Variants in RNF17 observed in about 807,000 individuals in gnomAD.
RNF17 encodes the protein ring finger protein 17, also known as spermatogenesis associated 23.
Under a neutral mutation model 200.5 loss-of-function variants are expected in RNF17, and 31 were observed. That is an observed-to-expected ratio of 0.15 (90% CI 0.12 to 0.21). The LOEUF is 0.21. Among genes scored for constraint, RNF17 ranks in the 10% least tolerant of loss-of-function variants. The pLI, the probability that RNF17 is intolerant of heterozygous loss-of-function variation, is 1.00. For missense variants in RNF17, 1,628 were observed against 1,905.1 expected (o/e 0.85, Z 2.71); for synonymous variants, 606 against 637.8 (o/e 0.95, Z 0.75).
chr13:24,790,577 T>C (rs557174940), intron 9 of RNF17, among the ~76,000 whole-genome samples: 43 of 152,328 alleles, frequency 2.8e-4, no homozygotes, highest in Non-Finnish European at 3.8e-4. Context: ...CTATTTGTGC[T>C]GCTATAACAA....
At chr13:24,840,439 G>C (rs1007418745) in intron 18 of RNF17, among the ~76,000 whole-genome samples, 1 of 152,180 alleles carries the variant, frequency 6.6e-6, no homozygotes, top group Non-Finnish European at 1.5e-5. Flanking sequence ...GTTTATAGCA[G>C]CACAATTCAC....
downstream of RNF17, chr13:24,884,327 C>A (rs1953946735): frequency 6.2e-7 from 1 of 1,614,040 alleles, no homozygotes; most frequent in South Asian, 1.1e-5. Context: ...ACATACCACT[C>A]TTTGGTCTGG....
rs754539124 is a variant in RNF17 at position 24,787,991 on chromosome 13, A to G, written c.615A>G (p.Lys205=). The change falls in exon 7 of 36, where the codon AAA becomes AAG. Residue 205 remains lysine, a synonymous_variant. Transcript: ENST00000255324. ...AACTTTGGAATCTTAAATGAAGGAA[A>G]AAGAACCTGTGTGAAGAATTTGCAA... is the stretch of plus-strand genomic sequence containing the variant. The part of the protein sequence containing the change: ...DQLLAFFDSR[K]KNLCEEFART... 38 of 1,545,316 alleles carry G rather than the reference A, an allele frequency of 2.5e-5. No homozygotes were observed. The highest frequency in any genetic ancestry group is 9.8e-5 in the African/African-American group (7 of 71,306).
intron 34 of RNF17, among the ~76,000 whole-genome samples, chr13:24,877,780 T>A (rs1038806968): frequency 1.3e-5 from 2 of 152,194 alleles, no homozygotes; most frequent in East Asian, 3.9e-4. Context: ...TTGTACTACT[T>A]ATTTGATGTA....
At chr13:24,806,246 C>T (rs1199278111) in intron 15 of RNF17, among the ~76,000 whole-genome samples, 1 of 152,162 alleles carries the variant, frequency 6.6e-6, no homozygotes, top group Admixed American at 6.5e-5. Flanking sequence ...GCCATATTTT[C>T]TTTATCCAGT....
chr13:24,773,051 A>C (rs1390342357), intron 2 of RNF17, among the ~76,000 whole-genome samples: 1 of 152,192 alleles, frequency 6.6e-6, no homozygotes, highest in Non-Finnish European at 1.5e-5. Context: ...AAAAGTCAAA[A>C]ACTAACAGAT....
rs1406706740 is a variant in RNF17, at chr13:24,864,962, C to T, written c.4065C>T (p.Tyr1355=). 6.4e-7 allele frequency: 1 copy of T among 1,564,586 alleles called. No homozygotes were observed. The highest frequency in any genetic ancestry group is 1.4e-5 in the African/African-American group (1 of 72,450). The change falls in exon 29 of 36, where the codon TAC becomes TAT. Residue 1355 remains tyrosine (Y), a synonymous_variant. Transcript: ENST00000255324. ...SLSYFMAYYK[Y]CTSEHTEEML... ...CTTATTTTATGGCATACTATAAATA[C>T]TGTACTTCTGAACATACTGAGGAGA...
At chr13:24,790,252 T>C (rs1322558037) in intron 9 of RNF17, among the ~76,000 whole-genome samples, 1 of 152,118 alleles carries the variant, frequency 6.6e-6, no homozygotes, top group Admixed American at 6.6e-5. Context: ...AAAGGAAGTA[T>C]GCATCTTATA....
At chr13:24,857,241 G>C (rs1270118212) in intron 25 of RNF17, among the ~76,000 whole-genome samples, 1 of 152,166 alleles carries the variant, frequency 6.6e-6, no homozygotes, top group Non-Finnish European at 1.5e-5. Flanking sequence ...TTTCCTCCAT[G>C]ATTTCAATAT....
intron 20 of RNF17, 90 bp downstream of exon 20, chr13:24,844,061 G>GCAA: frequency 2.3e-6 from 1 of 428,254 alleles, no homozygotes; most frequent in Non-Finnish European, 3.9e-6. Flanking sequence ...CATAAATGTA[G>GCAA]ATTTTACTAG....
chr13:24,829,761 T>A (rs904981343), intron 16 of RNF17, among the ~76,000 whole-genome samples: 3 of 152,244 alleles, frequency 2.0e-5, no homozygotes, highest in Non-Finnish European at 2.9e-5. Context: ...ACGTCTTTTT[T>A]AAAAACTTCT....
downstream of RNF17, among the ~76,000 whole-genome samples, chr13:24,881,065 G>T (rs577544909): frequency 2.0e-5 from 3 of 152,080 alleles, no homozygotes; most frequent in East Asian, 1.9e-4. Context: ...AGTCATCCTT[G>T]ATCAGTTGTT....
chr13:24,814,044 A>G (rs910320749), intron 15 of RNF17, among the ~76,000 whole-genome samples: 1 of 152,170 alleles, frequency 6.6e-6, no homozygotes, highest in Non-Finnish European at 1.5e-5. Flanking sequence ...ATAAACAGCT[A>G]ACATATATTT....
At chr13:24,808,048 G>A (rs1169137295) in intron 15 of RNF17, among the ~76,000 whole-genome samples, 5 of 151,184 alleles carry the variant, frequency 3.3e-5, no homozygotes, top group Admixed American at 1.3e-4. Context: ...GGTTACTGTA[G>A]CCTTGTAGTA....
chr13:24,830,115 T>C (rs192465223), intron 16 of RNF17, among the ~76,000 whole-genome samples: 1 of 152,178 alleles, frequency 6.6e-6, no homozygotes, highest in African/African-American at 2.4e-5. Flanking sequence ...GGTAATATCT[T>C]AGAGATATTA....
intron 2 of RNF17, among the ~76,000 whole-genome samples, chr13:24,770,022 T>C (rs1880425120): frequency 6.6e-6 from 1 of 152,174 alleles, no homozygotes; most frequent in Non-Finnish European, 1.5e-5. Flanking sequence ...AATACTGGCA[T>C]TTTATTAACT....
intron 10 of RNF17, among the ~76,000 whole-genome samples, chr13:24,794,883 A>G (rs569215298): frequency 6.6e-6 from 1 of 152,086 alleles, no homozygotes; most frequent in Non-Finnish European, 1.5e-5. Context: ...ATCCTCAGCT[A>G]ATTTTTGTAT....
Position 24,877,194 on chromosome 13 carries a change from T to C in RNF17, c.4773+8T>C. ...CTCTATGCTGTGTCCATGGTAAGTGTCTCAAGTAGCCAAAATTATTGTAAA... is the reference window on the plus strand; with the variant it reads ...CTCTATGCTGTGTCCATGGTAAGTGCCTCAAGTAGCCAAAATTATTGTAAA... On this transcript the variant is annotated splice_region_variant and intron_variant, in intron 34 of 35. Transcript: ENST00000255324. 1 of 1,601,574 alleles carries C rather than the reference T, an allele frequency of 6.2e-7. No homozygotes were observed. The highest frequency in any genetic ancestry group is 2.2e-5 in the East Asian group (1 of 44,788).
chr13:24,771,323 C>CTTTTTTTTTTTTTTTTTTTTTTTTTTT (rs35220494), intron 2 of RNF17, among the ~76,000 whole-genome samples: 1 of 78,016 alleles, frequency 1.3e-5, no homozygotes, highest in African/African-American at 4.6e-5. Context: ...CACAGATAAT[C>CTTTTTTTTTTTTTTTTTTTTTTTTTTT]TTTTTTTTTT....
Sources: allele counts gnomAD v4.1 joint callset (sites outside exome capture counted in the v4.1 genomes callset), GRCh38; gene constraint gnomAD v4.1.1; transcripts MANE v1.5; gene names NCBI Gene and HGNC (gene_info 2026-07-23, HGNC 2026-07-21).